The following KCNQ1 variants were observed in gnomAD, a reference collection of about 807,000 sequenced individuals.
KCNQ1 encodes the protein potassium voltage-gated channel subfamily Q member 1.
Under a neutral mutation model 72.4 loss-of-function variants are expected in KCNQ1, and 49 were observed. The ratio of observed to expected loss-of-function variants is 0.68; its 90% CI spans 0.54 to 0.86. KCNQ1 has a LOEUF of 0.86. KCNQ1 is among the 40% of genes least tolerant of loss of function. The pLI, the probability that KCNQ1 is intolerant of heterozygous loss-of-function variation, is 0.00. For missense variants in KCNQ1, 790 were observed against 945.1 expected (o/e 0.84, Z 2.15); for synonymous variants, 450 against 412.6 (o/e 1.09, Z -1.10).
chr11:2,832,163 C>T (rs1440286373), intron 15 of KCNQ1, among the ~76,000 whole-genome samples: 1 of 152,206 alleles, frequency 6.6e-6, no homozygotes, highest in Admixed American at 6.5e-5. Context: ...CCACCCTACC[C>T]TTTCCCAGCA....
At chr11:2,522,645 T>C (rs990212591) in intron 1 of KCNQ1, among the ~76,000 whole-genome samples, 3 of 152,272 alleles carry the variant, frequency 2.0e-5, no homozygotes, top group African/African-American at 4.8e-5. Flanking sequence ...GCTAGCACGG[T>C]ATATCAAAAT....
chr11:2,829,714 G>A (rs1361300415), intron 15 of KCNQ1, among the ~76,000 whole-genome samples: 1 of 152,128 alleles, frequency 6.6e-6, no homozygotes, highest in Non-Finnish European at 1.5e-5. Context: ...TCAAGGAACA[G>A]CAATGTAAAT....
Position 2,601,022 on chromosome 11 carries a change from C to G in KCNQ1, c.1393+12168C>G, listed in dbSNP as rs1848798875. Among the ~76,000 whole-genome samples, 1 of 151,710 alleles carries G rather than the reference C, an allele frequency of 6.6e-6. No individual in the cohort carries two copies. Among genetic ancestry groups the G allele is most frequent in the African/African-American group, 2.4e-5 (1 of 41,210 alleles). On this transcript the variant is annotated intron_variant, in intron 10 of 15. Transcript: ENST00000155840. The surrounding 1 kb of genome is among the most constrained non-coding windows in gnomAD (Gnocchi z 5.2). ...TCTACCTTACAGTTACTATATTTTG[C>G]CTTGCAACCAATAAACAATCGGGGG...
chr11:2,661,122 A>G lies in KCNQ1; in HGVS notation c.1394-839A>G, dbSNP rs926217592. 2.0e-5 allele frequency: 8 copies of G among 398,506 alleles called. No individual in the cohort carries two copies. The highest frequency in any genetic ancestry group is 1.2e-3 in the Middle Eastern group (2 of 1,610). 24.7% of individuals were successfully genotyped at this position (398,506 alleles called of 1,614,324 possible). ...CTCCCACCTGGCATCTGCTGCTCGGATGAGCAGAGAGGGTGGGCTAGGGAT... is the reference window on the plus strand; with the variant it reads ...CTCCCACCTGGCATCTGCTGCTCGGGTGAGCAGAGAGGGTGGGCTAGGGAT... On this transcript the variant is annotated intron_variant, in intron 10 of 15. Coordinates refer to ENST00000155840, the MANE Select transcript of KCNQ1 (RefSeq NM_000218.3). The surrounding 1 kb of genome is among the most constrained non-coding windows in gnomAD (Gnocchi z 5.9).
chr11:2,798,245 C>T (rs910730519), intron 15 of KCNQ1, among the ~76,000 whole-genome samples: 2 of 152,178 alleles, frequency 1.3e-5, no homozygotes, highest in African/African-American at 4.8e-5. Flanking sequence ...CCTGGGTTCC[C>T]AACCACCCTT....
At chr11:2,616,192 G>T (rs560473044) in intron 10 of KCNQ1, 2 of 395,234 alleles carry the variant, frequency 5.1e-6, no homozygotes, top group Non-Finnish European at 8.9e-6. Flanking sequence ...CAGTTATATC[G>T]TTCCCACTTT....
In KCNQ1 at chr11:2,720,191, T is replaced by C. The variant is rs1176787972; in HGVS notation, c.1515-48653T>C. Among the ~76,000 whole-genome samples, 3 of 152,174 alleles carry C rather than the reference T, an allele frequency of 2.0e-5. No individual in the cohort carries two copies. Among genetic ancestry groups the C allele is most frequent in the Admixed American group, 6.5e-5 (1 of 15,274 alleles). ...AGACAGCACAGTCTTCCAAATGGAC[T>C]GTGGGCATGATGGATGTGTAAAGAA... is the stretch of plus-strand genomic sequence containing the variant. On this transcript the variant is annotated intron_variant, in intron 11 of 15. Transcript: ENST00000155840. This position sits in a 1 kb window ranked among gnomAD's most constrained non-coding sequence, Gnocchi z 5.1.
intron 1 of KCNQ1, among the ~76,000 whole-genome samples, chr11:2,455,009 A>G (rs1846167056): frequency 2.0e-5 from 3 of 152,332 alleles, no homozygotes; most frequent in Middle Eastern, 3.4e-3. Context: ...ATAAGATTCT[A>G]TACCTAGAAA....
chr11:2,593,348 T>G lies in KCNQ1; in HGVS notation c.1393+4494T>G, dbSNP rs542079971. Among the ~76,000 whole-genome samples the G allele has an allele frequency of 7.3e-5, 11 of 151,400 alleles. No homozygotes were observed. The highest frequency in any genetic ancestry group is 2.7e-4 in the African/African-American group (11 of 41,474). ...AGAACACTGGGCTGGAAGGTCGTGGTCTGTGACGTAGGATCGGGGAGGCCA... is the reference window on the plus strand; with the variant it reads ...AGAACACTGGGCTGGAAGGTCGTGGGCTGTGACGTAGGATCGGGGAGGCCA... On this transcript the variant is annotated intron_variant, in intron 10 of 15. Coordinates refer to ENST00000155840, the MANE Select transcript of KCNQ1 (RefSeq NM_000218.3). The surrounding 1 kb of genome is among the most constrained non-coding windows in gnomAD (Gnocchi z 6.9).
rs749086979 is a variant in KCNQ1 at position 2,588,792 on chromosome 11, C to A, written c.1331C>A (p.Thr444Lys). 1.9e-6 allele frequency: 3 copies of A among 1,613,460 alleles called. No homozygotes were observed. In the South Asian group the frequency reaches 3.3e-5, roughly 18 times the overall value. Residue 444 changes from threonine (T) to lysine (K), a missense_variant, in exon 10 of 16, where the codon ACG becomes AAG. Physicochemically the swap from Thr to Lys is moderately conservative, Grantham distance 78. This residue lies in a region of KCNQ1 where 178 missense variants were observed against 177.9 expected (regional missense o/e 1.00). Coordinates refer to ENST00000155840, the MANE Select transcript of KCNQ1 (RefSeq NM_000218.3). The surrounding 1 kb of genome is among the most constrained non-coding windows in gnomAD (Gnocchi z 5.6). ...GEKMLTVPHITCDPPEERRLD... is the reference protein window; with the variant it reads ...GEKMLTVPHIKCDPPEERRLD... The stretch of plus-strand genomic sequence containing the variant: ...AAGATGCTCACAGTCCCCCATATCA[C>A]GTGCGACCCCCCAGAAGAGCGGCGG...
At chr11:2,630,377 C>T in intron 10 of KCNQ1, 1 of 397,932 alleles carries the variant, frequency 2.5e-6, no homozygotes, top group Non-Finnish European at 4.4e-6. Context: ...ATTTTCTTTT[C>T]TTATATTGTC....
intron 15 of KCNQ1, among the ~76,000 whole-genome samples, chr11:2,814,065 G>T (rs550072841): frequency 6.6e-6 from 1 of 151,496 alleles, no homozygotes; most frequent in East Asian, 1.9e-4. Context: ...ATGGATGAAT[G>T]GTTAAAGAGG....
rs74048686 is a variant in KCNQ1 at position 2,563,332 on chromosome 11, G to C, written c.478-7296G>C. Among the ~76,000 whole-genome samples, 1,512 of 152,286 alleles carry C rather than the reference G, an allele frequency of 9.9e-3. 22 individuals are homozygous for C. The highest frequency in any genetic ancestry group is 0.033 in the African/African-American group (1,368 of 41,556). ...TTGAGCCAAAGTGCGACCTTTCCCC[G>C]CTCTGTTCACTCGGAGACTAAAAAT... is the stretch of plus-strand genomic sequence containing the variant. On this transcript the variant is annotated intron_variant, in intron 2 of 15. Coordinates refer to ENST00000155840, the MANE Select transcript of KCNQ1 (RefSeq NM_000218.3). This position sits in a 1 kb window ranked among gnomAD's most constrained non-coding sequence, Gnocchi z 7.4.
chr11:2,449,208 G>A (rs938156269), intron 1 of KCNQ1, among the ~76,000 whole-genome samples: 10 of 152,204 alleles, frequency 6.6e-5, no homozygotes, highest in Non-Finnish European at 7.3e-5. Context: ...AGGGTGCCTC[G>A]GTTGGAGGGA....
chr11:2,653,860 G>A lies in KCNQ1; in HGVS notation c.1394-8101G>A. ...GATGGCCAGAGGGTACCTAAACACT[G>A]CACACTAGGAGTGGGAAAGGAAGAG... On this transcript the variant is annotated intron_variant, in intron 10 of 15. Coordinates refer to ENST00000155840, the MANE Select transcript of KCNQ1 (RefSeq NM_000218.3). This position sits in a 1 kb window ranked among gnomAD's most constrained non-coding sequence, Gnocchi z 5.3. 1 of 398,606 alleles carries A rather than the reference G, an allele frequency of 2.5e-6. No homozygotes were observed. Among genetic ancestry groups the A allele is most frequent in the Non-Finnish European group, 4.4e-6 (1 of 226,076 alleles). 24.7% of individuals were successfully genotyped at this position (398,606 alleles called of 1,614,324 possible).
Position 2,457,044 on chromosome 11 carries a change from A to G in KCNQ1, c.386+11560A>G, listed in dbSNP as rs1456240271. Among the ~76,000 whole-genome samples, 2 of 152,230 alleles carry G rather than the reference A, an allele frequency of 1.3e-5. No individual in the cohort carries two copies. Among genetic ancestry groups the G allele is most frequent in the African/African-American group, 4.8e-5 (2 of 41,464 alleles). On this transcript the variant is annotated intron_variant, in intron 1 of 15. Coordinates refer to ENST00000155840, the MANE Select transcript of KCNQ1 (RefSeq NM_000218.3). This position sits in a 1 kb window ranked among gnomAD's most constrained non-coding sequence, Gnocchi z 5.0. ...GACATACAAACAGTCAAACACATGA[A>G]AAAATGCTCATCACTGATCATCAGA...
intron 15 of KCNQ1, among the ~76,000 whole-genome samples, chr11:2,806,873 G>C (rs897569063): frequency 6.6e-6 from 1 of 152,144 alleles, no homozygotes; most frequent in Admixed American, 6.5e-5. Flanking sequence ...ACACACAAAG[G>C]CCTCTGCTTC....
In KCNQ1 at chr11:2,695,158, T is replaced by G. The variant is rs1850652867; in HGVS notation, c.1514+33077T>G. 1.5e-5 allele frequency: 6 copies of G among 398,528 alleles called. No homozygotes were observed. Among genetic ancestry groups the G allele is most frequent in the Non-Finnish European group, 2.2e-5 (5 of 226,092 alleles). 24.7% of individuals were successfully genotyped at this position (398,528 alleles called of 1,614,324 possible). A position where few individuals can be genotyped will look rare whatever the true frequency, so the allele number is the denominator to read the frequency against. Reference sequence around the variant, plus strand: ...TTCGTTGGTTCTTGGCTTTTGGGACTCTGCACAGAGTTGATCACAGCCCTC... The same window carrying G: ...TTCGTTGGTTCTTGGCTTTTGGGACGCTGCACAGAGTTGATCACAGCCCTC... On this transcript the variant is annotated intron_variant, in intron 11 of 15. Transcript: ENST00000155840. This position sits in a 1 kb window ranked among gnomAD's most constrained non-coding sequence, Gnocchi z 5.2.
intron 10 of KCNQ1, chr11:2,616,980 T>G: frequency 2.5e-6 from 1 of 398,228 alleles, no homozygotes; most frequent in Non-Finnish European, 4.4e-6. Context: ...TTTTTTAATT[T>G]TAAAAATATG....
Sources: allele counts gnomAD v4.1 joint callset (sites outside exome capture counted in the v4.1 genomes callset), GRCh38; gene constraint gnomAD v4.1.1; regional missense constraint gnomAD v4.1.1; non-coding constraint Gnocchi (gnomAD v3.1); transcripts MANE v1.5; gene names NCBI Gene and HGNC (gene_info 2026-07-23, HGNC 2026-07-21).